CSMD1: variants seen among roughly 807,000 people sequenced by gnomAD.
The protein encoded by CSMD1 is CUB and sushi domain-containing protein 1.
Under a neutral mutation model 417.5 loss-of-function variants are expected in CSMD1, and 213 were observed. The observed-to-expected ratio is 0.51, with a 90% CI of 0.46 to 0.57. The LOEUF is 0.57. Among genes scored for constraint, CSMD1 ranks in the 20% least tolerant of loss-of-function variants. The pLI is 0.00. For synonymous variants in CSMD1, 2,862 were observed against 1,736.8 expected (o/e 1.65, Z -16.11); for missense variants, 6,923 against 4,529.7 (o/e 1.53, Z -15.17).
intron 18 of CSMD1, among the ~76,000 whole-genome samples, chr8:3,370,057 T>A (rs886204644): frequency 4.6e-5 from 7 of 152,238 alleles, no homozygotes; most frequent in African/African-American, 1.7e-4. Flanking sequence ...ACTAAATGAT[T>A]AAAATGGTAC....
chr8:4,258,133 T>C (rs1803591934), intron 3 of CSMD1, among the ~76,000 whole-genome samples: 1 of 150,964 alleles, frequency 6.6e-6, no homozygotes, highest in East Asian at 2.0e-4. Context: ...TTAGTAGAGA[T>C]GAGGTCTCAC....
chr8:4,165,976 T>C (rs1000598985), intron 3 of CSMD1, among the ~76,000 whole-genome samples: 12 of 152,178 alleles, frequency 7.9e-5, no homozygotes, highest in African/African-American at 7.2e-5. Flanking sequence ...GTAATAACAA[T>C]TGAAACAAAG....
chr8:4,142,518 T>C (rs1173266564), intron 3 of CSMD1, among the ~76,000 whole-genome samples: 4 of 151,308 alleles, frequency 2.6e-5, no homozygotes, highest in Non-Finnish European at 5.9e-5. Flanking sequence ...CTGTTCTAGA[T>C]GAATTCTAAG....
At chr8:4,946,330 A>G (rs1808368156) in intron 1 of CSMD1, among the ~76,000 whole-genome samples, 1 of 152,166 alleles carries the variant, frequency 6.6e-6, no homozygotes, top group South Asian at 2.1e-4. Context: ...CTGAAACCTT[A>G]AAACAATTTT....
At chr8:3,079,923 A>G (rs2129002656) in intron 49 of CSMD1, among the ~76,000 whole-genome samples, 1 of 152,310 alleles carries the variant, frequency 6.6e-6, no homozygotes, top group Middle Eastern at 3.4e-3. Context: ...TCTTTGCACC[A>G]GTTCCGTCCT....
Position 3,778,451 on chromosome 8 carries a change from G to A in CSMD1, c.819-24409C>T, listed in dbSNP as rs368774859. On this transcript the variant is annotated intron_variant, in intron 5 of 69. Transcript: ENST00000635120. ...CTCTTTCCACTTCCAGCCATCCCAAGGTGCCCTCGCCTTACAAGGGTTCCT... is the reference window on the plus strand; with the variant it reads ...CTCTTTCCACTTCCAGCCATCCCAAAGTGCCCTCGCCTTACAAGGGTTCCT... 3.3e-4 allele frequency among the ~76,000 whole-genome samples: 50 copies of A among 152,310 alleles called. 1 individual carries two copies. Among genetic ancestry groups the A allele is most frequent in the Middle Eastern group, 3.4e-3 (1 of 292 alleles).
rs544200875 is a variant in CSMD1 at position 4,769,303 on chromosome 8, C to A, written c.86-131745G>T. Among the ~76,000 whole-genome samples the A allele has an allele frequency of 2.0e-5, 3 of 152,208 alleles. No individual in the cohort carries two copies. In the East Asian group the frequency reaches 5.8e-4, roughly 29 times the overall value. ...AAAGTACACCTGAAGGAATCTTTCT[C>A]AGTGTGATTAATAAGCTACTACAAT... On this transcript the variant is annotated intron_variant, in intron 1 of 69. Coordinates refer to ENST00000635120, the MANE Select transcript of CSMD1 (RefSeq NM_033225.6).
chr8:3,453,495 G>C (rs982374655), intron 12 of CSMD1, among the ~76,000 whole-genome samples: 1 of 152,150 alleles, frequency 6.6e-6, no homozygotes, highest in African/African-American at 2.4e-5. Flanking sequence ...GTGTCCCAGA[G>C]ATTCTGGTAT....
chr8:3,299,806 T>A (rs1804252727), intron 25 of CSMD1, among the ~76,000 whole-genome samples: 1 of 152,162 alleles, frequency 6.6e-6, no homozygotes, highest in African/African-American at 2.4e-5. Flanking sequence ...TTTGGAATAT[T>A]TTTTTTCTGG....
intron 50 of CSMD1, among the ~76,000 whole-genome samples, chr8:3,046,779 G>A (rs1201364959): frequency 6.6e-6 from 1 of 152,180 alleles, no homozygotes. Context: ...CCACATCTGT[G>A]TGCTCACATA....
chr8:4,779,637 G>A (rs964739454), intron 1 of CSMD1, among the ~76,000 whole-genome samples: 2 of 152,166 alleles, frequency 1.3e-5, no homozygotes, highest in Non-Finnish European at 2.9e-5. Flanking sequence ...AAGCTTCTCT[G>A]GCAAGCTGGC....
chr8:4,705,644 T>C (rs1374208859), intron 1 of CSMD1, among the ~76,000 whole-genome samples: 1 of 152,228 alleles, frequency 6.6e-6, no homozygotes, highest in Admixed American at 6.5e-5. Context: ...TGAACGAAGC[T>C]CTTCTTTCCG....
At chr8:3,785,731 T>C (rs1261778154) in intron 5 of CSMD1, among the ~76,000 whole-genome samples, 1 of 151,868 alleles carries the variant, frequency 6.6e-6, no homozygotes, top group Non-Finnish European at 1.5e-5. Flanking sequence ...AGGCCCAGGG[T>C]GCGGGGAGCC....
chr8:4,667,902 G>A (rs1407085504), intron 1 of CSMD1, among the ~76,000 whole-genome samples: 1 of 152,136 alleles, frequency 6.6e-6, no homozygotes, highest in Non-Finnish European at 1.5e-5. Context: ...AATAGCAGTG[G>A]TTAGAGTGGC....
At chr8:4,641,229 A>G (rs1803171147) in intron 1 of CSMD1, among the ~76,000 whole-genome samples, 1 of 152,034 alleles carries the variant, frequency 6.6e-6, no homozygotes, top group African/African-American at 2.4e-5. Flanking sequence ...CTTCCAAGAG[A>G]AAACCTGAAC....
At chr8:3,969,866 G>T (rs963827781) in intron 5 of CSMD1, among the ~76,000 whole-genome samples, 2 of 152,176 alleles carry the variant, frequency 1.3e-5, no homozygotes, top group Admixed American at 1.3e-4. Flanking sequence ...CTAGAAAGCT[G>T]TCAAATTAGA....
In CSMD1 at chr8:4,032,236, T is replaced by G. The variant is rs1797386519; in HGVS notation, c.416-137A>C. 3 of 616,938 alleles carry G rather than the reference T, an allele frequency of 4.9e-6. No individual in the cohort carries two copies. In the South Asian group the frequency reaches 7.2e-5, roughly 15 times the overall value. 38.2% of individuals were successfully genotyped at this position (616,938 alleles called of 1,614,324 possible). On this transcript the variant is annotated intron_variant, in intron 3 of 69. Transcript: ENST00000635120. ...GCATCAGAAAAATATTAATTGTTGC[T>G]AAAAAATAAACTGAGAAAATGTCTT...
At chr8:4,186,421 G>A (rs748037402) in intron 3 of CSMD1, among the ~76,000 whole-genome samples, 3 of 152,228 alleles carry the variant, frequency 2.0e-5, no homozygotes, top group African/African-American at 7.2e-5. Flanking sequence ...GACACACTGA[G>A]AGTAAGTTTA....
intron 7 of CSMD1, among the ~76,000 whole-genome samples, chr8:3,678,056 T>C (rs2117584711): frequency 6.6e-6 from 1 of 152,154 alleles, no homozygotes; most frequent in African/African-American, 2.4e-5. Flanking sequence ...GGGAGGGTGG[T>C]TCAAAGATGG....
Sources: allele counts gnomAD v4.1 joint callset (sites outside exome capture counted in the v4.1 genomes callset), GRCh38; gene constraint gnomAD v4.1.1; transcripts MANE v1.5; gene names NCBI Gene and HGNC (gene_info 2026-07-23, HGNC 2026-07-21).